PLXND1: variants seen among roughly 807,000 people sequenced by gnomAD.
The protein encoded by PLXND1 is plexin D1.
Under a neutral mutation model 197.7 loss-of-function variants are expected in PLXND1, and 54 were observed. The observed-to-expected ratio is 0.27, with a 90% CI of 0.22 to 0.34. The LOEUF (loss-of-function observed/expected upper bound fraction) is 0.34. Ranked by LOEUF, PLXND1 falls within the 10% of genes least tolerant of loss-of-function variation. PLXND1 has a pLI of 1.00. For missense variants in PLXND1, 2,127 were observed against 2,699.2 expected, an observed-to-expected ratio of 0.79 and a Z score of 4.70; for synonymous variants, 1,180 against 1,161.2, an observed-to-expected ratio of 1.02 and a Z score of -0.33.
intron 8 of PLXND1, among the ~76,000 whole-genome samples, chr3:129,579,607 G>C (rs897378111): frequency 6.6e-6 from 1 of 152,142 alleles, no homozygotes; most frequent in Non-Finnish European, 1.5e-5. Flanking sequence ...CTGGGACCAT[G>C]AGCAGGGCAG....
rs2085785317 is a variant in PLXND1, at chr3:129,605,896, G to A, written c.744C>T (p.Asp248=). 1 of 1,613,530 alleles carries A rather than the reference G, an allele frequency of 6.2e-7. No homozygotes were observed. Among genetic ancestry groups the A allele is most frequent in the East Asian group, 2.2e-5 (1 of 44,836 alleles). The change falls in exon 1 of 36, where the codon GAC becomes GAT. Residue 248 remains aspartate, a synonymous_variant. Coordinates refer to ENST00000324093, the MANE Select transcript of PLXND1 (RefSeq NM_015103.3). The stretch of plus-strand genomic sequence containing the variant: ...GGTCGAAGGTGAAGAGCTTGGCCAG[G>A]TCGCCGCGCGTGTCCAGGGAGCGGA... The part of the protein sequence containing the change: ...IAIRSLDTRG[D]LAKLFTFDLN...
At chr3:129,590,557 C>G (rs1399784595) in intron 1 of PLXND1, among the ~76,000 whole-genome samples, 1 of 152,188 alleles carries the variant, frequency 6.6e-6, no homozygotes, top group Non-Finnish European at 1.5e-5. Context: ...AGCCCCCATC[C>G]CGCAGTGACG....
In PLXND1 at chr3:129,589,380, G is replaced by C; in HGVS notation, c.1459C>G (p.Leu487Val). The change falls in exon 2 of 36, where the codon CTG becomes GTG. Residue 487 changes from leucine (L) to valine (V), a missense_variant. Around this residue, in one of 6 missense-constraint regions of PLXND1, gnomAD observed 1,095 missense variants for 1,259.8 expected, o/e 0.87. Coordinates refer to ENST00000324093, the MANE Select transcript of PLXND1 (RefSeq NM_015103.3). ...AGAAGCCTCCCGTTGACCGTGCCCA[G>C]GAAGACCGCTGTGTAGTTGTTGACG... ...ASVNNYTAVF[L>V]GTVNGRLLKI... is the part of the protein sequence containing the mutation. The C allele has an allele frequency of 7.3e-7, 1 of 1,377,120 alleles. No individual in the cohort carries two copies. The highest frequency in any genetic ancestry group is 4.1e-5 in the East Asian group (1 of 24,186). 85.3% of individuals were successfully genotyped at this position (1,377,120 alleles called of 1,614,324 possible). A position where few individuals can be genotyped will look rare whatever the true frequency, so the allele number is the denominator to read the frequency against.
chr3:129,555,478 C>G lies in PLXND1; in HGVS notation c.*834G>C. 1.5e-6 allele frequency: 1 copy of G among 681,666 alleles called. No individual in the cohort carries two copies. The highest frequency in any genetic ancestry group is 2.6e-6 in the Non-Finnish European group (1 of 379,746). 42.2% of individuals were successfully genotyped at this position (681,666 alleles called of 1,614,324 possible). ...TGGGGAGCCTCTCGGGACCCCTCCCCGGGTCCTCTGCGCAAGCGGCAGCTA... is the reference window on the plus strand; with the variant it reads ...TGGGGAGCCTCTCGGGACCCCTCCCGGGGTCCTCTGCGCAAGCGGCAGCTA... On this transcript the variant is annotated 3_prime_UTR_variant, in exon 36 of 36. Transcript: ENST00000324093.
Position 129,559,732 on chromosome 3 carries a change from G to A in PLXND1, c.5185C>T (p.Arg1729Cys), listed in dbSNP as rs767733014. The A allele has an allele frequency of 5.6e-6, 9 of 1,612,930 alleles. No individual in the cohort carries two copies. Among genetic ancestry groups the A allele is most frequent in the African/African-American group, 1.3e-5 (1 of 74,908 alleles). The change falls in exon 32 of 36, where the codon CGT (arginine) becomes TGT (cysteine). Residue 1729 changes from arginine to cysteine, a missense_variant. This residue lies in a region of PLXND1 where 200 missense variants were observed against 303.3 expected (regional missense o/e 0.66). Coordinates refer to ENST00000324093, the MANE Select transcript of PLXND1 (RefSeq NM_015103.3). ...DDLFKAILSI[R>C]EDKPPLAVKY... is the part of the protein sequence containing the mutation. Reference sequence around the variant, plus strand: ...ACAGCCAGTGGGGGCTTGTCTTCACGGATACTCAGAATGGCCTTGAACAGG... The same window carrying A: ...ACAGCCAGTGGGGGCTTGTCTTCACAGATACTCAGAATGGCCTTGAACAGG...
At chr3:129,565,264 G>C in intron 25 of PLXND1, 76 bp downstream of exon 25, 3 of 1,277,266 alleles carry the variant, frequency 2.3e-6, no homozygotes, top group Non-Finnish European at 3.4e-6. Context: ...GAAGGCCTGG[G>C]AGGCCGTGGG....
chr3:129,561,225 C>A (rs1338080210), intron 29 of PLXND1, among the ~76,000 whole-genome samples: 1 of 152,166 alleles, frequency 6.6e-6, no homozygotes, highest in Non-Finnish European at 1.5e-5. Flanking sequence ...TGCTCTCAAC[C>A]TTAGAAGGGG....
chr3:129,567,198 C>T (rs1483334153), intron 22 of PLXND1, among the ~76,000 whole-genome samples: 3 of 148,188 alleles, frequency 2.0e-5, no homozygotes, highest in Admixed American at 1.3e-4. Flanking sequence ...CAGCCCTGGC[C>T]GCTTCTGCCC....
chr3:129,569,300 G>A (rs1263872413), intron 20 of PLXND1: 1 of 152,478 alleles, frequency 6.6e-6, no homozygotes, highest in Non-Finnish European at 1.5e-5. Flanking sequence ...CATTTCTCTT[G>A]AGCAGATAGC....
intron 22 of PLXND1, among the ~76,000 whole-genome samples, 153 bp downstream of exon 22, chr3:129,567,339 G>A (rs1230864499): frequency 2.6e-5 from 4 of 152,208 alleles, no homozygotes; most frequent in African/African-American, 9.6e-5. Context: ...CCTTCTCCCC[G>A]TGGCAGGCCA....
At position 129,572,952 on chromosome 3, in the gene PLXND1, G is replaced by A; in HGVS notation, c.2838-11C>T. The stretch of plus-strand genomic sequence containing the variant: ...GTGACACACACGATCCTGAGGGGAG[G>A]TGCTGTGGTCAGCCAGCGGTCCTTG... On this transcript the variant is annotated splice_polypyrimidine_tract_variant and intron_variant, in intron 13 of 35. Transcript: ENST00000324093. 1 of 1,604,140 alleles carries A rather than the reference G, an allele frequency of 6.2e-7. No individual in the cohort carries two copies. The highest frequency in any genetic ancestry group is 1.1e-5 in the South Asian group (1 of 90,738).
intron 1 of PLXND1, among the ~76,000 whole-genome samples, chr3:129,596,658 T>C (rs1027363432): frequency 1.8e-4 from 28 of 152,152 alleles, no homozygotes; most frequent in African/African-American, 6.5e-4. Context: ...CGAGAAATAG[T>C]TGCCTCTCCA....
In PLXND1 at chr3:129,573,749, C is replaced by T. The variant is rs1164064661; in HGVS notation, c.2686-4G>A. ...ACGGGCCACTCAGGGGCTCAATCTG[C>T]CAGGTGACCCGAGAGAGGGGCGAAT... is the stretch of plus-strand genomic sequence containing the variant. On this transcript the variant is annotated splice_region_variant and splice_polypyrimidine_tract_variant and intron_variant, in intron 12 of 35. Coordinates refer to ENST00000324093, the MANE Select transcript of PLXND1 (RefSeq NM_015103.3). The T allele has an allele frequency of 1.9e-6, 3 of 1,612,432 alleles. No homozygotes were observed. In the Admixed American group the frequency reaches 5.0e-5, roughly 27 times the overall value.
rs780721406 is a variant in PLXND1 at position 129,586,639 on chromosome 3, C to T, written c.1569G>A (p.Met523Ile). ...VAYGEPVHHV[M>I]QFDPADSGYL... ...AACCGGAGTCTGCTGGGTCAAACTGCATGACATGGTGCACGGGCTCCCCAT... is the reference window on the plus strand; with the variant it reads ...AACCGGAGTCTGCTGGGTCAAACTGTATGACATGGTGCACGGGCTCCCCAT... The change falls in exon 3 of 36, where the codon ATG becomes ATA. Residue 523 changes from methionine (M) to isoleucine (I), a missense_variant. Met to Ile is a conservative substitution (Grantham distance 10). This residue lies in a region of PLXND1 where 1,095 missense variants were observed against 1,259.8 expected (regional missense o/e 0.87). Coordinates refer to ENST00000324093, the MANE Select transcript of PLXND1 (RefSeq NM_015103.3). The T allele has an allele frequency of 1.5e-5, 24 of 1,580,990 alleles. 1 individual carries two copies. In the South Asian group the frequency reaches 2.8e-4, roughly 18 times the overall value.
chr3:129,566,231 C>G, intron 23 of PLXND1: 1 of 604,476 alleles, frequency 1.7e-6, no homozygotes, highest in Non-Finnish European at 2.9e-6. Flanking sequence ...CTGGAGGTAA[C>G]CTGGCATCCC....
In PLXND1 at chr3:129,605,536, G is replaced by C; in HGVS notation, c.1104C>G (p.Leu368=). ...CCTGGGGCCGCTCGAAGACAGCAAAGAGCCGCTCCCGGGCTGGGAAGACCG... is the reference window on the plus strand; with the variant it reads ...CCTGGGGCCGCTCGAAGACAGCAAACAGCCGCTCCCGGGCTGGGAAGACCG... ...LVSVFPARER[L]FAVFERPQGS... Residue 368 remains leucine, a synonymous_variant, in exon 1 of 36, where the codon CTC becomes CTG. Transcript: ENST00000324093. The C allele has an allele frequency of 1.3e-6, 2 of 1,526,440 alleles. No individual in the cohort carries two copies. The highest frequency in any genetic ancestry group is 2.6e-5 in the East Asian group (1 of 38,858). 94.6% of individuals were successfully genotyped at this position (1,526,440 alleles called of 1,614,324 possible). A position where few individuals can be genotyped will look rare whatever the true frequency, so the allele number is the denominator to read the frequency against.
In PLXND1 at chr3:129,557,771, C is replaced by T. The variant is rs927206360; in HGVS notation, c.5446-548G>A. Among the ~76,000 whole-genome samples, 62 of 152,218 alleles carry T rather than the reference C, an allele frequency of 4.1e-4. No homozygotes were observed. The highest frequency in any genetic ancestry group is 1.3e-3 in the African/African-American group (53 of 41,444). On this transcript the variant is annotated intron_variant, in intron 33 of 35. Coordinates refer to ENST00000324093, the MANE Select transcript of PLXND1 (RefSeq NM_015103.3). The surrounding 1 kb of genome is among the most constrained non-coding windows in gnomAD (Gnocchi z 4.8). ...CTTCCCGTGGTCCGTCTCTGAAATGCGTGGGCTAAATGCAGGGTCACACAC... is the reference window on the plus strand; with the variant it reads ...CTTCCCGTGGTCCGTCTCTGAAATGTGTGGGCTAAATGCAGGGTCACACAC...
chr3:129,569,684 TCCC>T (rs1337710744), intron 20 of PLXND1, 156 bp downstream of exon 20: 1 of 606,820 alleles, frequency 1.6e-6, no homozygotes, highest in East Asian at 2.8e-5. Flanking sequence ...AGGGCACACC[TCCC>T]CCAACCTCTG....
Position 129,560,386 on chromosome 3 carries a change from T to C in PLXND1, c.5077A>G (p.Ser1693Gly). 1 of 1,614,068 alleles carries C rather than the reference T, an allele frequency of 6.2e-7. No individual in the cohort carries two copies. Among genetic ancestry groups the C allele is most frequent in the Non-Finnish European group, 8.5e-7 (1 of 1,179,950 alleles). The change falls in exon 31 of 36, where the codon AGC (serine) becomes GGC (glycine). Residue 1693 changes from serine to glycine, a missense_variant. By Grantham distance (56) the Ser-to-Gly change is moderately conservative. Coordinates refer to ENST00000324093, the MANE Select transcript of PLXND1 (RefSeq NM_015103.3). ...TCCGGGAGCACCTTCTTGCGATGGCTCTGCCGGTGAGACTTCTTGGGCTCC... is the reference window on the plus strand; with the variant it reads ...TCCGGGAGCACCTTCTTGCGATGGCCCTGCCGGTGAGACTTCTTGGGCTCC... ...LAEPKKSHRQ[S>G]HRKKVLPEIY...
Sources: gnomAD v4.1 joint callset for allele counts (sites outside exome capture counted in the v4.1 genomes callset) on GRCh38, gnomAD v4.1.1 for gene constraint, gnomAD v4.1.1 regional missense constraint, Gnocchi (gnomAD v3.1) non-coding constraint, MANE v1.5 for transcripts, NCBI Gene and HGNC (gene_info 2026-07-23, HGNC 2026-07-21) for gene names.